The following COL25A1 variants were observed in gnomAD, a reference collection of about 807,000 sequenced individuals.
COL25A1 encodes collagen type XXV alpha 1 chain, also known as collagen alpha-1(XXV) chain.
In COL25A1, 103 loss-of-function variants were observed where a neutral mutation model predicts 128.4. The ratio of observed to expected loss-of-function variants is 0.80; its 90% CI spans 0.68 to 0.94. The LOEUF is 0.94. Among genes scored for constraint, COL25A1 ranks in the 40% least tolerant of loss-of-function variants. The pLI is 0.00. For synonymous variants in COL25A1, 279 were observed against 277.2 expected (o/e 1.01, Z -0.06); for missense variants, 745 against 840.0 (o/e 0.89, Z 1.40).
chr4:108,857,507 G>A (rs964184421), intron 24 of COL25A1, among the ~76,000 whole-genome samples: 5 of 145,556 alleles, frequency 3.4e-5, no homozygotes, highest in East Asian at 2.3e-4. Flanking sequence ...GCTTCTGTTT[G>A]TATTTTACCA....
chr4:108,918,126 A>C (rs763873741), intron 13 of COL25A1, 46 bp downstream of exon 13: 1 of 1,267,152 alleles, frequency 7.9e-7, no homozygotes, highest in East Asian at 2.4e-5. Context: ...TGTGATTTCA[A>C]TGCTCACCAA....
At chr4:109,002,758 T>C (rs1183846774) in intron 6 of COL25A1, among the ~76,000 whole-genome samples, 1 of 150,320 alleles carries the variant, frequency 6.7e-6, no homozygotes, top group African/African-American at 2.5e-5. Context: ...AATAAAAATA[T>C]AGATACATTT....
chr4:108,847,239 A>G (rs1735222625), intron 27 of COL25A1, among the ~76,000 whole-genome samples: 1 of 152,142 alleles, frequency 6.6e-6, no homozygotes, highest in Non-Finnish European at 1.5e-5. Flanking sequence ...ACATTAATTT[A>G]TATTTTTAAG....
chr4:109,005,166 G>C (rs1012482177), intron 6 of COL25A1, among the ~76,000 whole-genome samples: 1 of 152,136 alleles, frequency 6.6e-6, no homozygotes, highest in Non-Finnish European at 1.5e-5. Flanking sequence ...GCCAATCATG[G>C]TATAAGGCAA....
intron 3 of COL25A1, among the ~76,000 whole-genome samples, chr4:109,259,494 TA>T (rs1024464463): frequency 2.0e-5 from 3 of 152,316 alleles, no homozygotes; most frequent in African/African-American, 7.2e-5. Context: ...TCACTGTGAC[TA>T]ATGGCATTTT....
intron 5 of COL25A1, 23 bp downstream of exon 5, chr4:109,048,145 C>T: frequency 6.2e-7 from 1 of 1,611,424 alleles, no homozygotes; most frequent in Non-Finnish European, 8.5e-7. Context: ...GCAAACAAGC[C>T]AAAGTGCAGC....
intron 5 of COL25A1, among the ~76,000 whole-genome samples, chr4:109,016,932 G>A (rs114963335): frequency 0.031 from 4,718 of 152,320 alleles, 108 homozygotes; most frequent in Middle Eastern, 0.088. Flanking sequence ...TGAAAGAGCT[G>A]TAACACAGAG....
At chr4:108,909,137 A>G (rs1743906810) in intron 13 of COL25A1, among the ~76,000 whole-genome samples, 1 of 152,208 alleles carries the variant, frequency 6.6e-6, no homozygotes, top group Admixed American at 6.5e-5. Flanking sequence ...GGGAAGGGTT[A>G]TTATTTAAAC....
intron 3 of COL25A1, among the ~76,000 whole-genome samples, chr4:109,244,686 A>C (rs10030903): frequency 0.07 from 10,632 of 152,214 alleles, 769 homozygotes; most frequent in African/African-American, 0.19. Context: ...ATAACAGCAG[A>C]ACTTGCACTG....
At chr4:109,115,683 G>A (rs1560717933) in intron 3 of COL25A1, among the ~76,000 whole-genome samples, 1 of 152,002 alleles carries the variant, frequency 6.6e-6, no homozygotes, top group Non-Finnish European at 1.5e-5. Context: ...CAATAAAAAA[G>A]AAGTGTAACT....
chr4:108,882,697 C>T (rs1373005658), intron 19 of COL25A1, among the ~76,000 whole-genome samples: 20 of 152,104 alleles, frequency 1.3e-4, no homozygotes, highest in Non-Finnish European at 5.9e-5. Flanking sequence ...GTGACTTCAA[C>T]TGTTTAGTAA....
At chr4:108,930,336 C>G (rs1354272657) in intron 11 of COL25A1, among the ~76,000 whole-genome samples, 1 of 152,132 alleles carries the variant, frequency 6.6e-6, no homozygotes, top group Non-Finnish European at 1.5e-5. Flanking sequence ...TATACATACC[C>G]TCCACCCTCA....
intron 11 of COL25A1, among the ~76,000 whole-genome samples, chr4:108,921,865 C>T (rs1357220929): frequency 6.6e-6 from 1 of 152,164 alleles, no homozygotes; most frequent in Non-Finnish European, 1.5e-5. Context: ...GTCAGACATT[C>T]TCCCTACTTA....
At chr4:108,820,563 A>G (rs1731671593) in intron 35 of COL25A1, among the ~76,000 whole-genome samples, 1 of 152,202 alleles carries the variant, frequency 6.6e-6, no homozygotes, top group South Asian at 2.1e-4. Flanking sequence ...AGGTAAACAA[A>G]TGTTAAAAGT....
intron 8 of COL25A1, among the ~76,000 whole-genome samples, chr4:108,963,907 A>T (rs1278744898): frequency 2.0e-5 from 3 of 151,552 alleles, no homozygotes; most frequent in Admixed American, 1.3e-4. Flanking sequence ...TAAGGCATAC[A>T]TCCAGGGATA....
At chr4:108,816,949 A>T (rs1244984496) in intron 37 of COL25A1, among the ~76,000 whole-genome samples, 1 of 152,204 alleles carries the variant, frequency 6.6e-6, no homozygotes, top group Non-Finnish European at 1.5e-5. Flanking sequence ...TTTCCTACAT[A>T]AGTCAAGACA....
intron 5 of COL25A1, among the ~76,000 whole-genome samples, chr4:109,026,663 T>C (rs1268004875): frequency 6.6e-6 from 1 of 152,186 alleles, no homozygotes; most frequent in Non-Finnish European, 1.5e-5. Flanking sequence ...TAACTGTGCA[T>C]GAAGAAAAGA....
At chr4:109,237,339 A>C (rs1443029929) in intron 3 of COL25A1, among the ~76,000 whole-genome samples, 1 of 152,138 alleles carries the variant, frequency 6.6e-6, no homozygotes, top group Non-Finnish European at 1.5e-5. Context: ...TCCATTCATA[A>C]GTGGAGATGA....
Position 109,301,830 on chromosome 4 carries a change from C to A in COL25A1, c.190G>T (p.Ala64Ser). ...VKTNDLQARI[A>S]ALESAKGAPS... The stretch of plus-strand genomic sequence containing the variant: ...GCCCCTTTGGCGGATTCGAGAGCGG[C>A]GATCCTCGCCTGGAGGTCGTTGGTT... Residue 64 changes from alanine to serine, a missense_variant, in exon 2 of 38, where the codon GCC becomes TCC. Coordinates refer to ENST00000399132, the MANE Select transcript of COL25A1 (RefSeq NM_198721.4). 1 of 1,614,254 alleles carries A rather than the reference C, an allele frequency of 6.2e-7. No individual in the cohort carries two copies. Among genetic ancestry groups the A allele is most frequent in the African/African-American group, 1.3e-5 (1 of 75,066 alleles).
Sources: allele counts gnomAD v4.1 joint callset (sites outside exome capture counted in the v4.1 genomes callset), GRCh38; gene constraint gnomAD v4.1.1; transcripts MANE v1.5; gene names NCBI Gene and HGNC (gene_info 2026-07-23, HGNC 2026-07-21).